Variants in SGCZ observed in about 807,000 individuals in gnomAD.
SGCZ encodes sarcoglycan zeta.
A neutral mutation model predicts 41.3 loss-of-function variants in SGCZ; 40 were observed. The ratio of observed to expected loss-of-function variants is 0.97; its 90% CI spans 0.75 to 1.26. The LOEUF (loss-of-function observed/expected upper bound fraction) is 1.26, where lower values mean the gene tolerates loss of function less well. Among genes scored for constraint, SGCZ ranks in the 50% most tolerant of loss-of-function variants. SGCZ has a pLI of 0.00. For missense variants in SGCZ, 552 were observed against 369.8 expected (o/e 1.49, Z -4.04); for synonymous variants, 206 against 137.5 (o/e 1.50, Z -3.49).
At chr8:14,889,177 A>G (rs957626255) in intron 1 of SGCZ, among the ~76,000 whole-genome samples, 1 of 152,108 alleles carries the variant, frequency 6.6e-6, no homozygotes, top group Non-Finnish European at 1.5e-5. Flanking sequence ...AAATGGCAAC[A>G]GTACAATATA....
intron 1 of SGCZ, among the ~76,000 whole-genome samples, chr8:15,124,563 C>T (rs769893545): frequency 5.3e-5 from 8 of 152,112 alleles, no homozygotes; most frequent in Non-Finnish European, 1.2e-4. Context: ...TCTTGATACT[C>T]AAAATACTGG....
At chr8:14,294,651 T>A (rs1396075127) in intron 3 of SGCZ, among the ~76,000 whole-genome samples, 1 of 151,996 alleles carries the variant, frequency 6.6e-6, no homozygotes, top group Non-Finnish European at 1.5e-5. Flanking sequence ...TTTAAAAAAA[T>A]ATTTGAAAAA....
intron 1 of SGCZ, among the ~76,000 whole-genome samples, chr8:15,209,900 G>C (rs1223818976): frequency 6.6e-6 from 1 of 152,178 alleles, no homozygotes; most frequent in Non-Finnish European, 1.5e-5. Context: ...CATAGGTTTA[G>C]TTATGAGCAT....
At chr8:14,469,864 G>C (rs1010907246) in intron 2 of SGCZ, among the ~76,000 whole-genome samples, 3 of 152,108 alleles carry the variant, frequency 2.0e-5, no homozygotes, top group African/African-American at 7.2e-5. Context: ...TGGAAGCTCT[G>C]TGCCCCTTCC....
intron 1 of SGCZ, among the ~76,000 whole-genome samples, chr8:14,915,639 C>T (rs916581017): frequency 2.0e-5 from 3 of 152,142 alleles, no homozygotes; most frequent in Non-Finnish European, 2.9e-5. Flanking sequence ...CGGCGACCAG[C>T]CTTCCCCATG....
At chr8:14,122,498 G>A (rs752942826) in intron 5 of SGCZ, among the ~76,000 whole-genome samples, 8 of 152,126 alleles carry the variant, frequency 5.3e-5, no homozygotes, top group Non-Finnish European at 1.0e-4. Flanking sequence ...TAGGTTCATT[G>A]TATTTAATCA....
chr8:14,322,405 A>C (rs900946920), intron 3 of SGCZ, among the ~76,000 whole-genome samples: 1 of 152,054 alleles, frequency 6.6e-6, no homozygotes, highest in African/African-American at 2.4e-5. Context: ...GAAACTAGGA[A>C]GCGCAAGTGG....
Position 14,194,676 on chromosome 8 carries a change from A to T in SGCZ, c.425-29974T>A, listed in dbSNP as rs140202249. Among the ~76,000 whole-genome samples the T allele has an allele frequency of 4.0e-3, 611 of 152,196 alleles. 4 individuals are homozygous for T. The highest frequency in any genetic ancestry group is 0.014 in the African/African-American group (579 of 41,566). On this transcript the variant is annotated intron_variant, in intron 4 of 7. Transcript: ENST00000382080. The stretch of plus-strand genomic sequence containing the variant: ...CTCATCTGAAACAGGAACAAAATAC[A>T]AAATATATAATTCTGGTTTTCAAGA...
In SGCZ at chr8:14,384,146, T is replaced by G. The variant is rs185754987; in HGVS notation, c.235-59942A>C. Among the ~76,000 whole-genome samples the G allele has an allele frequency of 2.3e-3, 346 of 152,080 alleles. 5 individuals are homozygous for G. Among genetic ancestry groups the G allele is most frequent in the African/African-American group, 8.0e-3 (330 of 41,496 alleles). The stretch of plus-strand genomic sequence containing the variant: ...CTACCCCACAACAGTCCCCAGTGTG[T>G]GATGTTCCCCTTCCTGTGTCCATGT... On this transcript the variant is annotated intron_variant, in intron 2 of 7. Coordinates refer to ENST00000382080, the MANE Select transcript of SGCZ (RefSeq NM_139167.4).
intron 1 of SGCZ, among the ~76,000 whole-genome samples, chr8:14,941,993 A>G (rs1023296574): frequency 2.0e-5 from 3 of 152,014 alleles, no homozygotes; most frequent in Admixed American, 1.3e-4. Context: ...TCATCATACT[A>G]TATTGGAATT....
At chr8:15,194,185 T>TCA (rs34127082) in intron 1 of SGCZ, among the ~76,000 whole-genome samples, 8,279 of 139,486 alleles carry the variant, frequency 0.059, 214 homozygotes, top group South Asian at 0.097. Context: ...CCACCTCTAA[T>TCA]CACACACACA....
intron 1 of SGCZ, among the ~76,000 whole-genome samples, chr8:14,558,556 C>T (rs1804102797): frequency 7.9e-6 from 1 of 126,246 alleles, no homozygotes; most frequent in Non-Finnish European, 1.6e-5. Flanking sequence ...GCCTGGGTGA[C>T]AGAATGAGAA....
chr8:14,444,317 T>C (rs1800365092), intron 2 of SGCZ, among the ~76,000 whole-genome samples: 1 of 152,114 alleles, frequency 6.6e-6, no homozygotes, highest in Admixed American at 6.5e-5. Context: ...ACTGGGTATA[T>C]ACCCAAAGGG....
chr8:14,839,660 C>G (rs911340641), intron 1 of SGCZ, among the ~76,000 whole-genome samples: 1 of 152,110 alleles, frequency 6.6e-6, no homozygotes, highest in Non-Finnish European at 1.5e-5. Context: ...GTAGTTTCTA[C>G]TCTTTTTAAG....
intron 1 of SGCZ, among the ~76,000 whole-genome samples, chr8:15,065,285 T>G (rs1046474978): frequency 6.6e-6 from 1 of 152,050 alleles, no homozygotes; most frequent in Admixed American, 6.6e-5. Context: ...TCCTTCCTCA[T>G]TGTCGAGGCA....
Position 14,629,486 on chromosome 8 carries a change from A to C in SGCZ, c.40-74560T>G, listed in dbSNP as rs540953128. ...ATTTATGGAGCTCCTTTATACAGTC[A>C]GTAGTGGTCTAGATTCTGTGAGGGA... is the stretch of plus-strand genomic sequence containing the variant. On this transcript the variant is annotated intron_variant, in intron 1 of 7. Coordinates refer to ENST00000382080, the MANE Select transcript of SGCZ (RefSeq NM_139167.4). Among the ~76,000 whole-genome samples, 205 of 152,150 alleles carry C rather than the reference A, an allele frequency of 1.3e-3. 3 individuals are homozygous for C. Among genetic ancestry groups the C allele is most frequent in the Non-Finnish European group, 2.4e-3 (161 of 68,036 alleles).
intron 5 of SGCZ, among the ~76,000 whole-genome samples, chr8:14,117,359 T>C (rs116123395): frequency 8.1e-6 from 1 of 122,780 alleles, no homozygotes; most frequent in East Asian, 2.0e-4. Flanking sequence ...AGGTAGTGTT[T>C]TTTTTTTTTT....
chr8:14,828,543 C>G (rs11991885), intron 1 of SGCZ, among the ~76,000 whole-genome samples: 5,220 of 152,260 alleles, frequency 0.034, 316 homozygotes, highest in African/African-American at 0.12. Context: ...AGCACTTCCT[C>G]TAATTTTAAC....
chr8:14,442,762 G>T (rs10113331), intron 2 of SGCZ, among the ~76,000 whole-genome samples: 1 of 152,088 alleles, frequency 6.6e-6, no homozygotes, highest in Admixed American at 6.5e-5. Flanking sequence ...TTAGGTTTTG[G>T]CTCTTCATTC....
Sources: allele counts gnomAD v4.1 joint callset (sites outside exome capture counted in the v4.1 genomes callset), GRCh38; gene constraint gnomAD v4.1.1; transcripts MANE v1.5; gene names NCBI Gene and HGNC (gene_info 2026-07-23, HGNC 2026-07-21).